Variants in CDIN1 observed in about 807,000 individuals in gnomAD.
CDIN1 encodes CDAN1-interacting nuclease 1.
Under a neutral mutation model 45.3 loss-of-function variants are expected in CDIN1, and 33 were observed. The observed-to-expected ratio is 0.73, with a 90% confidence interval of 0.55 to 0.97. The LOEUF (loss-of-function observed/expected upper bound fraction) is 0.97, where lower values mean the gene tolerates loss of function less well. Ranked by LOEUF, CDIN1 falls within the 50% of genes least tolerant of loss-of-function variation. CDIN1 has a pLI of 0.00. For synonymous variants in CDIN1, 118 were observed against 124.4 expected (o/e 0.95, Z 0.34); for missense variants, 303 against 339.4 (o/e 0.89, Z 0.84).
intron 10 of CDIN1, among the ~76,000 whole-genome samples, chr15:36,806,944 A>C (rs2055248511): frequency 6.6e-6 from 1 of 152,162 alleles, no homozygotes; most frequent in East Asian, 1.9e-4. Context: ...CTGAGGAAGA[A>C]GAGAACATCT....
chr15:36,727,348 A>T (rs1395076901), intron 10 of CDIN1, among the ~76,000 whole-genome samples: 1 of 151,710 alleles, frequency 6.6e-6, no homozygotes, highest in Non-Finnish European at 1.5e-5. Flanking sequence ...TAAAAAAAAA[A>T]AAAAAAGAAA....
At chr15:36,580,594 A>AAC (rs778799004) in intron 1 of CDIN1, among the ~76,000 whole-genome samples, 1 of 152,158 alleles carries the variant, frequency 6.6e-6, no homozygotes, top group Non-Finnish European at 1.5e-5. Flanking sequence ...TCCTCCCCCA[A>AAC]ACACTTCTTT....
intron 10 of CDIN1, among the ~76,000 whole-genome samples, chr15:36,789,035 A>G (rs2054579528): frequency 6.6e-6 from 1 of 152,226 alleles, no homozygotes; most frequent in Admixed American, 6.5e-5. Flanking sequence ...ATACACTAAC[A>G]CTAATAATAG....
rs547336601 is a variant in CDIN1 at position 36,765,061 on chromosome 15, C to CT, written c.717-43250dup. ...TCTTTTCTTTTATTTTTCTTTCTTT[C>CT]TTTTTTTTTTTTTAGATGGAGTCTC... is the stretch of plus-strand genomic sequence containing the variant. On this transcript the variant is annotated intron_variant, in intron 10 of 10. Transcript: ENST00000566621. 1.4e-3 allele frequency among the ~76,000 whole-genome samples: 199 copies of CT among 143,304 alleles called. 2 individuals are homozygous for CT. The highest frequency in any genetic ancestry group is 2.3e-3 in the African/African-American group (90 of 39,032). The allele number at this position is 143,304 out of a possible 152,430, so 94.0% of individuals were successfully genotyped here.
intron 10 of CDIN1, among the ~76,000 whole-genome samples, chr15:36,758,367 A>T (rs954138262): frequency 1.3e-5 from 2 of 152,070 alleles, no homozygotes; most frequent in Non-Finnish European, 2.9e-5. Context: ...GTTTTGTTTC[A>T]TTGGGGACAA....
In CDIN1 at chr15:36,808,743, A is replaced by G. The variant is rs954852764; in HGVS notation, c.*290A>G. ...TAGTCATAATCTTTCTTTCTTCCGG[A>G]TGGTTTATCCTTGTATGCTGAACAA... On this transcript the variant is annotated 3_prime_UTR_variant, in exon 11 of 11. Coordinates refer to ENST00000566621, the MANE Select transcript of CDIN1 (RefSeq NM_001321759.2). 6 of 453,118 alleles carry G rather than the reference A, an allele frequency of 1.3e-5. No homozygotes were observed. The highest frequency in any genetic ancestry group is 3.2e-5 in the Admixed American group (1 of 31,658). 28.1% of individuals were successfully genotyped at this position (453,118 alleles called of 1,614,324 possible).
intron 10 of CDIN1, among the ~76,000 whole-genome samples, chr15:36,764,056 G>A (rs1311739636): frequency 6.6e-6 from 1 of 152,154 alleles, no homozygotes; most frequent in African/African-American, 2.4e-5. Flanking sequence ...GATTGGGGGT[G>A]GAGGAGGGAA....
chr15:36,690,520 G>A (rs1000314582), intron 5 of CDIN1, among the ~76,000 whole-genome samples: 10 of 151,898 alleles, frequency 6.6e-5, no homozygotes, highest in South Asian at 2.1e-4. Flanking sequence ...CACCCGCCTC[G>A]GCCTCCCAAA....
chr15:36,662,112 T>C (rs1356474698), intron 5 of CDIN1, among the ~76,000 whole-genome samples: 1 of 152,230 alleles, frequency 6.6e-6, no homozygotes, highest in Non-Finnish European at 1.5e-5. Flanking sequence ...TTTTTGCTTA[T>C]GTCCTGGAGA....
At chr15:36,595,653 C>G (rs531588385) in intron 1 of CDIN1, among the ~76,000 whole-genome samples, 1 of 152,276 alleles carries the variant, frequency 6.6e-6, no homozygotes, top group East Asian at 1.9e-4. Flanking sequence ...TGGGACTGAT[C>G]AGCTCTGAAG....
intron 10 of CDIN1, among the ~76,000 whole-genome samples, chr15:36,773,713 C>G (rs147119920): frequency 4.7e-4 from 72 of 152,338 alleles, no homozygotes; most frequent in African/African-American, 1.7e-3. Context: ...GTATCTGACT[C>G]TATATGGCTA....
chr15:36,604,102 T>A (rs1270653139), intron 1 of CDIN1, among the ~76,000 whole-genome samples: 1 of 152,142 alleles, frequency 6.6e-6, no homozygotes, highest in Non-Finnish European at 1.5e-5. Context: ...AAAGGACCAG[T>A]TCGGGTGTGA....
intron 1 of CDIN1, among the ~76,000 whole-genome samples, chr15:36,608,056 A>G (rs2038465139): frequency 6.6e-6 from 1 of 152,162 alleles, no homozygotes; most frequent in African/African-American, 2.4e-5. Context: ...GTAGGAATAT[A>G]CTACCTTTTG....
intron 10 of CDIN1, among the ~76,000 whole-genome samples, chr15:36,751,086 T>C (rs1288655594): frequency 2.0e-5 from 3 of 151,636 alleles, no homozygotes; most frequent in Non-Finnish European, 2.9e-5. Context: ...GGAAGCCCAG[T>C]CTGATTGATT....
chr15:36,643,798 C>T (rs1270677506), intron 1 of CDIN1, among the ~76,000 whole-genome samples: 1 of 152,154 alleles, frequency 6.6e-6, no homozygotes, highest in Non-Finnish European at 1.5e-5. Flanking sequence ...CACTGTGCTA[C>T]TTCTAGTAAA....
At chr15:36,626,393 A>AG (rs1350247603) in intron 1 of CDIN1, among the ~76,000 whole-genome samples, 1 of 152,038 alleles carries the variant, frequency 6.6e-6, no homozygotes, top group African/African-American at 2.4e-5. Context: ...TTCTTAAAAA[A>AG]AAAAAAAATA....
chr15:36,741,427 T>TA (rs774309143), intron 10 of CDIN1, among the ~76,000 whole-genome samples: 6 of 151,564 alleles, frequency 4.0e-5, no homozygotes, highest in Non-Finnish European at 7.4e-5. Flanking sequence ...CTTCATCAAA[T>TA]AATTATAATG....
rs990855392 is a variant in CDIN1 at position 36,663,555 on chromosome 15, C to T, written c.346+5650C>T. On this transcript the variant is annotated intron_variant, in intron 5 of 10. Transcript: ENST00000566621. ...TCTCACAAGATCTGATGGTTTTATA[C>T]GGGCTCTTCCTTTTTGCTCGGCACT... Among the ~76,000 whole-genome samples the T allele has an allele frequency of 7.9e-5, 12 of 152,190 alleles. No homozygotes were observed. In the East Asian group the frequency reaches 9.7e-4, roughly 12 times the overall value.
At chr15:36,747,080 CA>C (rs72075250) in intron 10 of CDIN1, 17,660 of 395,800 alleles carry the variant, frequency 0.045, 2,726 homozygotes, top group African/African-American at 0.33. Flanking sequence ...TTGTAAATAA[CA>C]AAAAACATTT....
Sources: allele counts gnomAD v4.1 joint callset (sites outside exome capture counted in the v4.1 genomes callset), GRCh38; gene constraint gnomAD v4.1.1; transcripts MANE v1.5; gene names NCBI Gene and HGNC (gene_info 2026-07-23, HGNC 2026-07-21).